The following PLPP1 variants were observed in gnomAD, a reference collection of about 807,000 sequenced individuals.
The protein encoded by PLPP1 is lipid phosphate phosphohydrolase 1a.
A neutral mutation model predicts 31.2 loss-of-function variants in PLPP1; 24 were observed. The observed-to-expected ratio is 0.77, with a 90% CI of 0.56 to 1.08. The LOEUF (loss-of-function observed/expected upper bound fraction) is 1.08, where lower values mean the gene tolerates loss of function less well. Among genes scored for constraint, PLPP1 ranks in the 50% least tolerant of loss-of-function variants. PLPP1 has a pLI of 0.00. For missense variants in PLPP1, 319 were observed against 342.7 expected (o/e 0.93, Z 0.55); for synonymous variants, 146 against 126.3 (o/e 1.16, Z -1.05).
At chr5:55,528,241 C>G (rs768117935) in intron 1 of PLPP1, among the ~76,000 whole-genome samples, 1 of 152,096 alleles carries the variant, frequency 6.6e-6, no homozygotes, top group South Asian at 2.1e-4. Context: ...GCAGCAGCTA[C>G]GAGTAATTCC....
chr5:55,530,223 T>C, intron 1 of PLPP1: 1 of 1,412,606 alleles, frequency 7.1e-7, no homozygotes, highest in Non-Finnish European at 1.0e-6. Context: ...TAGCTGAAGA[T>C]TCACAAATTC....
chr5:55,432,545 C>A (rs969524962), intron 4 of PLPP1, among the ~76,000 whole-genome samples: 1 of 152,066 alleles, frequency 6.6e-6, no homozygotes, highest in African/African-American at 2.4e-5. Context: ...GAGCATTACC[C>A]TGATACGAAA....
At position 55,505,411 on chromosome 5, in the gene PLPP1, T is replaced by C. The variant is rs541744743; in HGVS notation, c.58+29161A>G. Among the ~76,000 whole-genome samples, 15 of 149,090 alleles carry C rather than the reference T, an allele frequency of 1.0e-4. No homozygotes were observed. In the South Asian group the frequency reaches 2.1e-3, roughly 21 times the overall value. ...GAGTTCAAGACCAGCCTGAACAACA[T>C]AGGGAGACTCCCATCTCTACACATC... On this transcript the variant is annotated intron_variant, in intron 1 of 5. Coordinates refer to ENST00000307259, the MANE Select transcript of PLPP1 (RefSeq NM_003711.4).
chr5:55,427,741 AT>A (rs1751242208), intron 4 of PLPP1, among the ~76,000 whole-genome samples: 2 of 142,282 alleles, frequency 1.4e-5, no homozygotes, highest in Admixed American at 7.2e-5. Flanking sequence ...TTTACTTAAC[AT>A]TATCAATAAT....
chr5:55,490,354 T>G (rs1374090654), intron 1 of PLPP1, among the ~76,000 whole-genome samples: 1 of 151,992 alleles, frequency 6.6e-6, no homozygotes. Context: ...TTCTCCATGT[T>G]GGTCAGGCTG....
intron 1 of PLPP1, among the ~76,000 whole-genome samples, chr5:55,505,533 C>T (rs1753255372): frequency 6.6e-6 from 1 of 151,774 alleles, no homozygotes; most frequent in South Asian, 2.1e-4. Flanking sequence ...CTGATATTTG[C>T]CCACATATTA....
At chr5:55,438,495 T>C (rs375464736) in intron 4 of PLPP1, among the ~76,000 whole-genome samples, 1 of 152,162 alleles carries the variant, frequency 6.6e-6, no homozygotes, top group African/African-American at 2.4e-5. Context: ...TAGGAGAGGA[T>C]TTAAATGACT....
chr5:55,427,605 A>G (rs1751238322), intron 4 of PLPP1, among the ~76,000 whole-genome samples: 1 of 152,192 alleles, frequency 6.6e-6, no homozygotes, highest in Non-Finnish European at 1.5e-5. Context: ...TTAAGATTCT[A>G]AAATCCCTGT....
At chr5:55,492,954 T>C (rs1336738353) in intron 1 of PLPP1, among the ~76,000 whole-genome samples, 1 of 152,090 alleles carries the variant, frequency 6.6e-6, no homozygotes, top group Non-Finnish European at 1.5e-5. Flanking sequence ...AGAATATGAT[T>C]GGGAGAAGGG....
chr5:55,432,848 TAACTC>T (rs1751392211), intron 4 of PLPP1, among the ~76,000 whole-genome samples: 1 of 148,110 alleles, frequency 6.8e-6, no homozygotes, highest in Non-Finnish European at 1.5e-5. Context: ...GAAGGGGACA[TAACTC>T]AACATGATAA....
rs918273207 is a variant in PLPP1 at position 55,530,404 on chromosome 5, C to T, written c.58+4168G>A. ...AAACGCTCTCTGGTAAAATTTGATTCTTGACACAGGGGACACTTATAAGTA... is the reference window on the plus strand; with the variant it reads ...AAACGCTCTCTGGTAAAATTTGATTTTTGACACAGGGGACACTTATAAGTA... On this transcript the variant is annotated intron_variant, in intron 1 of 5. Transcript: ENST00000307259. The T allele has an allele frequency of 3.9e-6, 5 of 1,283,552 alleles. No homozygotes were observed. In the South Asian group the frequency reaches 5.9e-5, roughly 15 times the overall value. 79.5% of individuals were successfully genotyped at this position (1,283,552 alleles called of 1,614,324 possible). A position where few individuals can be genotyped will look rare whatever the true frequency, so the allele number is the denominator to read the frequency against.
intron 4 of PLPP1, among the ~76,000 whole-genome samples, chr5:55,433,519 T>TTTTTTTTTTTTTTTTTTTTTTGA (rs1751417015): frequency 8.2e-6 from 1 of 121,872 alleles, no homozygotes; most frequent in Non-Finnish European, 1.8e-5. Context: ...TTTTTTTTTT[T>TTTTTTTTTTTTTTTTTTTTTTGA]GACCGAGTCT....
chr5:55,445,250 G>A (rs1355331060), intron 3 of PLPP1, among the ~76,000 whole-genome samples: 1 of 152,070 alleles, frequency 6.6e-6, no homozygotes, highest in Non-Finnish European at 1.5e-5. Flanking sequence ...CTATCTCTGT[G>A]CTCCAACATC....
intron 1 of PLPP1, among the ~76,000 whole-genome samples, chr5:55,523,359 C>T (rs1753714729): frequency 6.6e-6 from 1 of 151,974 alleles, no homozygotes; most frequent in African/African-American, 2.4e-5. Context: ...CATCAACCAT[C>T]CCCACTTCAC....
intron 3 of PLPP1, among the ~76,000 whole-genome samples, chr5:55,454,786 AG>A (rs3840125): frequency 0.18 from 28,107 of 152,192 alleles, 2,664 homozygotes; most frequent in Admixed American, 0.19. Context: ...AAAGCTGTCT[AG>A]TTACTGACAT....
intron 1 of PLPP1, among the ~76,000 whole-genome samples, chr5:55,533,653 A>AC (rs754074509): frequency 1.3e-5 from 2 of 152,344 alleles, no homozygotes; most frequent in South Asian, 2.1e-4. Context: ...GATTACTTCA[A>AC]CATGAGTAGG....
intron 1 of PLPP1, among the ~76,000 whole-genome samples, chr5:55,526,575 A>G (rs1232992472): frequency 6.6e-6 from 1 of 151,762 alleles, no homozygotes; most frequent in Non-Finnish European, 1.5e-5. Context: ...AAACAACAAC[A>G]ACGACAACAA....
chr5:55,460,414 G>T (rs1483059683), intron 3 of PLPP1, among the ~76,000 whole-genome samples: 1 of 152,090 alleles, frequency 6.6e-6, no homozygotes, highest in African/African-American at 2.4e-5. Context: ...TAATAAAATT[G>T]ATAAGTTTCT....
At chr5:55,514,164 A>G (rs2111919345) in intron 1 of PLPP1, among the ~76,000 whole-genome samples, 1 of 152,340 alleles carries the variant, frequency 6.6e-6, no homozygotes, top group Non-Finnish European at 1.5e-5. Context: ...AGATTGCTTG[A>G]GCCCAGGAGT....
Sources: allele counts gnomAD v4.1 joint callset (sites outside exome capture counted in the v4.1 genomes callset), GRCh38; gene constraint gnomAD v4.1.1; transcripts MANE v1.5; gene names NCBI Gene and HGNC (gene_info 2026-07-23, HGNC 2026-07-21).